The following ARHGEF6 variants were observed in gnomAD, a reference collection of about 807,000 sequenced individuals.
The protein encoded by ARHGEF6 is rho guanine nucleotide exchange factor 6.
ARHGEF6 carries 9 observed loss-of-function variants against 70.3 expected under a neutral mutation model. The ratio of observed to expected loss-of-function variants is 0.13; its 90% confidence interval spans 0.08 to 0.22. The LOEUF (loss-of-function observed/expected upper bound fraction) is 0.22. Among genes scored for constraint, ARHGEF6 ranks in the 10% least tolerant of loss-of-function variants. ARHGEF6 has a pLI of 1.00. For synonymous variants in ARHGEF6, 201 were observed against 207.8 expected (o/e 0.97, Z 0.28); for missense variants, 470 against 563.0 (o/e 0.83, Z 1.67).
Position 136,779,525 on chromosome X carries a change from G to A in ARHGEF6, c.166-28C>T. ...AGAGGAACACAGTGAAATGTCACTTGGAGATTGTCATCCCATGCCAAGCAA... is the reference window on the plus strand; with the variant it reads ...AGAGGAACACAGTGAAATGTCACTTAGAGATTGTCATCCCATGCCAAGCAA... On this transcript the variant is annotated intron_variant, in intron 1 of 21. Transcript: ENST00000250617. 3 of 1,166,248 alleles carry A rather than the reference G, an allele frequency of 2.6e-6. No individual in the cohort carries two copies. The South Asian group carries it at 5.4e-5, about 21-fold the overall frequency.
At chrX:136,714,827 A>C (rs2076721061) in intron 6 of ARHGEF6, among the ~76,000 whole-genome samples, 1 of 111,535 alleles carries the variant, frequency 9.0e-6, no homozygotes. Context: ...ATGATATTGC[A>C]CCTACCTGGG....
At chrX:136,729,625 T>A (rs1325950899) in intron 6 of ARHGEF6, among the ~76,000 whole-genome samples, 1 of 107,127 alleles carries the variant, frequency 9.3e-6, no homozygotes, top group African/African-American at 3.4e-5. Flanking sequence ...AACTCAGGAG[T>A]TCGAGACCAG....
At chrX:136,779,165 C>G (rs1485463547) in intron 2 of ARHGEF6, among the ~76,000 whole-genome samples, 4 of 111,881 alleles carry the variant, frequency 3.6e-5, no homozygotes, top group Non-Finnish European at 7.5e-5. Context: ...CACTGGAAGC[C>G]TGTTTACAGG....
At chrX:136,775,471 A>G (rs189334601) in intron 2 of ARHGEF6, among the ~76,000 whole-genome samples, 253 of 112,458 alleles carry the variant, frequency 2.2e-3, no homozygotes, top group African/African-American at 7.9e-3. Context: ...ATAGATGCAG[A>G]AAAAGCATTT....
chrX:136,727,983 A>T (rs1314838636), intron 6 of ARHGEF6, among the ~76,000 whole-genome samples: 1 of 111,759 alleles, frequency 8.9e-6, no homozygotes, highest in Non-Finnish European at 1.9e-5. Context: ...TCCCAATGAG[A>T]CCATGGGTGC....
Position 136,675,002 on chromosome X carries a change from C to G in ARHGEF6, c.2035+5G>C, listed in dbSNP as rs1057523674. 8.3e-7 allele frequency: 1 copy of G among 1,204,702 alleles called. No homozygotes were observed. On this transcript the variant is annotated splice_donor_5th_base_variant and intron_variant, in intron 19 of 21. Coordinates refer to ENST00000250617, the MANE Select transcript of ARHGEF6 (RefSeq NM_004840.3). The stretch of plus-strand genomic sequence containing the variant: ...CACTAGAGAAAGTAGTTTGGGGGAA[C>G]CTACTTGAGCCATGGCCTTGTTGAA...
At chrX:136,727,319 CTTTCTT>C (rs1476151542) in intron 6 of ARHGEF6, among the ~76,000 whole-genome samples, 27 of 55,516 alleles carry the variant, frequency 4.9e-4, no homozygotes, top group Non-Finnish European at 4.5e-4. Context: ...TTCTTTCTTT[CTTTCTT>C]TTTCTTTCTT....
At chrX:136,741,525 CTT>C (rs151204948) in intron 5 of ARHGEF6, among the ~76,000 whole-genome samples, 5 of 96,299 alleles carry the variant, frequency 5.2e-5, no homozygotes, top group Admixed American at 2.2e-4. Context: ...ATTTTCTTTT[CTT>C]TTTTTTTTTT....
At chrX:136,730,377 T>G (rs1335205425) in intron 6 of ARHGEF6, among the ~76,000 whole-genome samples, 2 of 111,430 alleles carry the variant, frequency 1.8e-5, no homozygotes, top group African/African-American at 6.5e-5. Context: ...ACACTAAAAA[T>G]TTGCCTAACT....
chrX:136,674,578 G>A (rs764965483), intron 19 of ARHGEF6, among the ~76,000 whole-genome samples: 2 of 112,034 alleles, frequency 1.8e-5, no homozygotes, highest in South Asian at 3.8e-4. Context: ...AGCATTGTTC[G>A]TTTAAATATG....
At chrX:136,735,619 C>T (rs978429915) in intron 5 of ARHGEF6, among the ~76,000 whole-genome samples, 3 of 111,586 alleles carry the variant, frequency 2.7e-5, no homozygotes, top group Non-Finnish European at 5.6e-5. Flanking sequence ...ATGGATTGTT[C>T]GTATAATATA....
chrX:136,716,599 T>C (rs1015680401), intron 6 of ARHGEF6, among the ~76,000 whole-genome samples: 1 of 111,834 alleles, frequency 8.9e-6, no homozygotes, highest in Non-Finnish European at 1.9e-5. Flanking sequence ...AAAAATACAG[T>C]ATGAAGAGAC....
intron 9 of ARHGEF6, among the ~76,000 whole-genome samples, chrX:136,702,612 G>A (rs1457231521): frequency 3.6e-5 from 4 of 112,274 alleles, no homozygotes; most frequent in East Asian, 2.7e-4. Context: ...GCAGACTTCC[G>A]ATCAGGGAAA....
Position 136,721,555 on chromosome X carries a change from C to T in ARHGEF6, c.733-8185G>A, listed in dbSNP as rs139778215. On this transcript the variant is annotated intron_variant, in intron 6 of 21. Coordinates refer to ENST00000250617, the MANE Select transcript of ARHGEF6 (RefSeq NM_004840.3). ...TCCAGTCTGAGTGACAGAGCAAGAC[C>T]CTGTCTCAAAACAAAACAAAACACA... 2.2e-3 allele frequency among the ~76,000 whole-genome samples: 245 copies of T among 111,208 alleles called. 1 individual carries two copies. Among genetic ancestry groups the T allele is most frequent in the African/African-American group, 7.7e-3 (236 of 30,573 alleles).
chrX:136,667,955 A>G lies in ARHGEF6; in HGVS notation c.*74T>C. The G allele has an allele frequency of 8.5e-7, 1 of 1,171,434 alleles. No individual in the cohort carries two copies. On this transcript the variant is annotated 3_prime_UTR_variant, in exon 22 of 22. Coordinates refer to ENST00000250617, the MANE Select transcript of ARHGEF6 (RefSeq NM_004840.3). ...AAAACAAAAGCCAAAGAAGTGAGCA[A>G]ACTGAGTCAAATCATTCAGCGGGAC...
At chrX:136,756,185 G>A (rs2077205095) in intron 2 of ARHGEF6, among the ~76,000 whole-genome samples, 1 of 111,690 alleles carries the variant, frequency 9.0e-6, no homozygotes, top group Admixed American at 9.5e-5. Context: ...CAATCTCCAC[G>A]CAATTTTCCA....
chrX:136,755,377 C>T (rs980849244), intron 2 of ARHGEF6, among the ~76,000 whole-genome samples: 67 of 111,382 alleles, frequency 6.0e-4, no homozygotes, highest in African/African-American at 2.2e-3. Flanking sequence ...CGTGAGAATA[C>T]CCTCAGAAAT....
At chrX:136,670,159 C>G (rs898132832) in intron 20 of ARHGEF6, among the ~76,000 whole-genome samples, 1 of 112,016 alleles carries the variant, frequency 8.9e-6, no homozygotes, top group African/African-American at 3.2e-5. Flanking sequence ...AACCAATGCA[C>G]ATCTTCCCAT....
At chrX:136,779,378 C>T (rs768810167) in intron 2 of ARHGEF6, 36 bp downstream of exon 2, 16 of 1,144,390 alleles carry the variant, frequency 1.4e-5, no homozygotes, top group Admixed American at 1.3e-4. Flanking sequence ...AGCAAAAAAA[C>T]GATGACAACA....
Sources: allele counts gnomAD v4.1 joint callset (sites outside exome capture counted in the v4.1 genomes callset), GRCh38; gene constraint gnomAD v4.1.1; transcripts MANE v1.5; gene names NCBI Gene and HGNC (gene_info 2026-07-23, HGNC 2026-07-21).